MAP4K3: variants seen among roughly 807,000 people sequenced by gnomAD.
The protein encoded by MAP4K3 is MAPK/ERK kinase kinase kinase 3.
MAP4K3 carries 94 observed loss-of-function variants against 143.5 expected under a neutral mutation model. That is an observed-to-expected ratio of 0.65 (90% CI 0.55 to 0.78). The LOEUF (loss-of-function observed/expected upper bound fraction) is 0.78. Ranked by LOEUF, MAP4K3 falls within the 30% of genes least tolerant of loss-of-function variation. MAP4K3 has a pLI of 0.00. For synonymous variants in MAP4K3, 416 were observed against 347.2 expected (o/e 1.20, Z -2.20); for missense variants, 1,077 against 1,068.1 (o/e 1.01, Z -0.12).
chr2:39,297,180 C>T lies in MAP4K3; in HGVS notation c.1178+2563G>A, dbSNP rs35871133. 1.6e-3 allele frequency among the ~76,000 whole-genome samples: 237 copies of T among 151,816 alleles called. 1 individual carries two copies. The highest frequency in any genetic ancestry group is 2.3e-3 in the Non-Finnish European group (154 of 67,934). On this transcript the variant is annotated intron_variant, in intron 16 of 33. Coordinates refer to ENST00000263881, the MANE Select transcript of MAP4K3 (RefSeq NM_003618.4). ...TCGCCCAGGCTGGAGTGCAATGGCACGATCTCGGCTCACTGCAACCACCGC... is the reference window on the plus strand; with the variant it reads ...TCGCCCAGGCTGGAGTGCAATGGCATGATCTCGGCTCACTGCAACCACCGC...
At chr2:39,292,731 A>G (rs202081457) in intron 18 of MAP4K3, 42 bp downstream of exon 18, 2 of 1,529,720 alleles carry the variant, frequency 1.3e-6, no homozygotes, top group African/African-American at 2.7e-5. Flanking sequence ...ATCAGGTCAA[A>G]TGACACCTTT....
chr2:39,405,516 A>G (rs530578450), intron 1 of MAP4K3, among the ~76,000 whole-genome samples: 2 of 152,342 alleles, frequency 1.3e-5, no homozygotes, highest in East Asian at 3.9e-4. Context: ...CCAGACATGA[A>G]CAAACATCCA....
intron 2 of MAP4K3, among the ~76,000 whole-genome samples, chr2:39,369,372 C>G (rs1666018937): frequency 6.6e-6 from 1 of 151,754 alleles, no homozygotes; most frequent in Non-Finnish European, 1.5e-5. Flanking sequence ...ATCGTGAACT[C>G]CTGACCTCAG....
At chr2:39,356,388 T>G (rs1558663497) in intron 2 of MAP4K3, 49 bp from the exon 3 acceptor site, 1 of 967,682 alleles carries the variant, frequency 1.0e-6, no homozygotes, top group Non-Finnish European at 1.6e-6. Flanking sequence ...AGTTTCAAAA[T>G]GCTCATTTAT....
intron 7 of MAP4K3, 107 bp downstream of exon 7, chr2:39,333,425 C>A (rs1328376458): frequency 2.6e-6 from 2 of 782,800 alleles, no homozygotes; most frequent in Non-Finnish European, 4.3e-6. Context: ...TAAAAATACA[C>A]AGATGCCGTC....
At chr2:39,305,830 ATTTTTTT>A (rs1227094657) in intron 15 of MAP4K3, among the ~76,000 whole-genome samples, 1 of 144,688 alleles carries the variant, frequency 6.9e-6, no homozygotes, top group African/African-American at 2.5e-5. Context: ...AGTATTTGTA[ATTTTTTT>A]TTTTTTTTTT....
chr2:39,326,318 T>C (rs765577550), intron 8 of MAP4K3, 41 bp from the exon 9 acceptor site: 119 of 1,605,962 alleles, frequency 7.4e-5, no homozygotes, highest in Non-Finnish European at 9.8e-5. Context: ...TTCTGTTATA[T>C]GTTTTCCTTT....
intron 1 of MAP4K3, among the ~76,000 whole-genome samples, chr2:39,434,127 T>C (rs1387733776): frequency 1.3e-5 from 2 of 152,228 alleles, no homozygotes; most frequent in African/African-American, 4.8e-5. Flanking sequence ...AGAATGACTA[T>C]AATCGGATCT....
At chr2:39,396,435 A>G (rs951893221) in intron 1 of MAP4K3, among the ~76,000 whole-genome samples, 1 of 151,878 alleles carries the variant, frequency 6.6e-6, no homozygotes, top group Non-Finnish European at 1.5e-5. Context: ...ACTTCTACCA[A>G]TATCTTTTAC....
chr2:39,305,047 G>A (rs978291089), intron 15 of MAP4K3, among the ~76,000 whole-genome samples: 1 of 152,172 alleles, frequency 6.6e-6, no homozygotes, highest in African/African-American at 2.4e-5. Context: ...GCTGCCAGGG[G>A]CTGGAGGGAA....
intron 1 of MAP4K3, chr2:39,436,632 C>T (rs1230928084): frequency 3.9e-6 from 2 of 517,598 alleles, no homozygotes; most frequent in Non-Finnish European, 7.0e-6. Context: ...CTGCCCTTCC[C>T]TGGAAATGCG....
At chr2:39,430,946 G>A (rs1047033813) in intron 1 of MAP4K3, among the ~76,000 whole-genome samples, 2 of 152,094 alleles carry the variant, frequency 1.3e-5, no homozygotes, top group African/African-American at 4.8e-5. Flanking sequence ...ATGTAGCCAT[G>A]GTTTGTTCCT....
At chr2:39,380,222 C>G (rs1666323847) in intron 1 of MAP4K3, among the ~76,000 whole-genome samples, 1 of 151,908 alleles carries the variant, frequency 6.6e-6, no homozygotes, top group African/African-American at 2.4e-5. Flanking sequence ...AGATATTTCA[C>G]AAAAAGGGGA....
intron 2 of MAP4K3, among the ~76,000 whole-genome samples, chr2:39,376,940 CATCTT>C (rs1268981638): frequency 3.3e-5 from 5 of 152,100 alleles, no homozygotes; most frequent in African/African-American, 4.8e-5. Context: ...AAAAGATAAA[CATCTT>C]GTCTTGCGAT....
intron 1 of MAP4K3, among the ~76,000 whole-genome samples, chr2:39,408,692 TG>T (rs1252839377): frequency 6.7e-6 from 1 of 149,536 alleles, no homozygotes; most frequent in Admixed American, 6.7e-5. Flanking sequence ...TTTCGAGATA[TG>T]GATCTTAGAG....
chr2:39,341,100 A>T (rs1446994608), intron 4 of MAP4K3, among the ~76,000 whole-genome samples: 2 of 152,200 alleles, frequency 1.3e-5, no homozygotes, highest in Non-Finnish European at 2.9e-5. Context: ...AAAAGTAAAA[A>T]TAAACCCATT....
rs938519252 is a variant in MAP4K3 at position 39,355,553 on chromosome 2, G to GA, written c.245+695dup. ...TCCCGCCCCCACAAAAGAAAGAAAG[G>GA]AAAAAAATAGTAAAATATTCTCTAA... On this transcript the variant is annotated intron_variant, in intron 3 of 33. Transcript: ENST00000263881. 1.8e-4 allele frequency among the ~76,000 whole-genome samples: 28 copies of GA among 151,816 alleles called. No individual in the cohort carries two copies. The Middle Eastern group carries it at 0.017, about 92-fold the overall frequency.
At chr2:39,282,480 T>G in intron 22 of MAP4K3, 33 bp downstream of exon 22, 1 of 1,581,328 alleles carries the variant, frequency 6.3e-7, no homozygotes, top group Non-Finnish European at 8.7e-7. Context: ...TGACTTAGCT[T>G]GAAACTTAGC....
intron 2 of MAP4K3, 52 bp downstream of exon 2, chr2:39,378,014 G>A: frequency 9.6e-7 from 1 of 1,040,654 alleles, no homozygotes; most frequent in South Asian, 1.3e-5. Context: ...TAAGCCTTAA[G>A]ATATCCCATG....
Sources: gnomAD v4.1 joint callset for allele counts (sites outside exome capture counted in the v4.1 genomes callset) on GRCh38, gnomAD v4.1.1 for gene constraint, MANE v1.5 for transcripts, NCBI Gene and HGNC (gene_info 2026-07-23, HGNC 2026-07-21) for gene names.